USP14: variants seen among roughly 807,000 people sequenced by gnomAD.
The protein encoded by USP14 is ubiquitin specific peptidase 14.
USP14 carries 38 observed loss-of-function variants against 76.5 expected under a neutral mutation model. That is an observed-to-expected ratio of 0.50 (90% CI 0.38 to 0.65). The LOEUF is 0.65. USP14 is among the 30% of genes least tolerant of loss of function. The pLI is 0.00. For synonymous variants in USP14, 192 were observed against 191.7 expected (o/e 1.00, Z -0.01); for missense variants, 467 against 586.5 (o/e 0.80, Z 2.10).
intron 3 of USP14, among the ~76,000 whole-genome samples, chr18:171,874 A>C (rs1293231865): frequency 6.6e-6 from 1 of 152,210 alleles, no homozygotes; most frequent in African/African-American, 2.4e-5. Flanking sequence ...TCTAACCCTC[A>C]TGGATGACTT....
intron 14 of USP14, 155 bp from the exon 15 acceptor site, chr18:210,231 A>C: frequency 2.9e-6 from 2 of 691,684 alleles, no homozygotes; most frequent in Non-Finnish European, 4.8e-6. Flanking sequence ...TTAAAACATC[A>C]ATCATGAAGC....
At chr18:190,621 A>G (rs968191086) in intron 5 of USP14, among the ~76,000 whole-genome samples, 1 of 152,178 alleles carries the variant, frequency 6.6e-6, no homozygotes, top group Non-Finnish European at 1.5e-5. Flanking sequence ...GATCTGATGT[A>G]TGATTGAATA....
chr18:193,374 CT>C lies in USP14; in HGVS notation c.463+477del, dbSNP rs572458649. Reference sequence around the variant, plus strand: ...TTTGGACATTTTAATACTGTTAAATCTTTGGGTTAGGTCAATAGGGTTTTAC... The same window carrying C: ...TTTGGACATTTTAATACTGTTAAATCTTGGGTTAGGTCAATAGGGTTTTAC... On this transcript the variant is annotated intron_variant, in intron 6 of 15. Transcript: ENST00000261601. Among the ~76,000 whole-genome samples, 60 of 152,104 alleles carry C rather than the reference CT, an allele frequency of 3.9e-4. 1 individual carries two copies. In the South Asian group the frequency reaches 9.4e-3, roughly 24 times the overall value.
chr18:199,263 C>T lies in USP14; in HGVS notation c.823C>T (p.Leu275Phe). 6.2e-7 allele frequency: 1 copy of T among 1,613,854 alleles called. No homozygotes were observed. Among genetic ancestry groups the T allele is most frequent in the Non-Finnish European group, 8.5e-7 (1 of 1,179,852 alleles). Residue 275 changes from leucine to phenylalanine, a missense_variant, in exon 10 of 16, where the codon CTT becomes TTT. Transcript: ENST00000261601. ...VTKGKENQLQ[L>F]SCFINQEVKY... ...CAAAGGAAAGGAAAATCAACTTCAG[C>T]TTAGCTGTTTTATCAATCAGGAAGT...
intron 6 of USP14, among the ~76,000 whole-genome samples, chr18:195,330 G>C (rs1035836840): frequency 1.3e-5 from 2 of 151,912 alleles, no homozygotes; most frequent in African/African-American, 4.8e-5. Flanking sequence ...ATTGTGTTCA[G>C]TTTTGTTATT....
At chr18:204,521 TTATAAA>T (rs1218453638) in intron 12 of USP14, 37 bp from the exon 13 acceptor site, 1 of 1,436,072 alleles carries the variant, frequency 7.0e-7, no homozygotes, top group African/African-American at 1.5e-5. Context: ...ATAAATATCT[TTATAAA>T]TGTGTTTACA....
intron 13 of USP14, among the ~76,000 whole-genome samples, chr18:209,317 C>T (rs1437797337): frequency 6.6e-6 from 1 of 152,176 alleles, no homozygotes; most frequent in East Asian, 1.9e-4. Flanking sequence ...GCCATCACAG[C>T]TACCTGTAAG....
At chr18:184,495 T>G (rs552314836) in intron 5 of USP14, among the ~76,000 whole-genome samples, 3 of 152,324 alleles carry the variant, frequency 2.0e-5, no homozygotes. Context: ...GGCTCACGCC[T>G]GTAATCCCAG....
intron 3 of USP14, among the ~76,000 whole-genome samples, chr18:174,700 G>A (rs936507885): frequency 1.1e-4 from 17 of 151,730 alleles, no homozygotes; most frequent in Non-Finnish European, 2.4e-4. Flanking sequence ...GAATTCTGGG[G>A]CTCAAGGGGT....
At chr18:208,676 T>TA (rs1467640966) in intron 13 of USP14, among the ~76,000 whole-genome samples, 1 of 152,198 alleles carries the variant, frequency 6.6e-6, no homozygotes, top group Non-Finnish European at 1.5e-5. Context: ...ATTTTCCTGT[T>TA]ATGTTTCTGT....
In USP14 at chr18:197,906, A is replaced by T. The variant is rs968280578; in HGVS notation, c.676-141A>T. On this transcript the variant is annotated intron_variant, in intron 8 of 15. Coordinates refer to ENST00000261601, the MANE Select transcript of USP14 (RefSeq NM_005151.4). Reference sequence around the variant, plus strand: ...ATTTATTAAACTTAATTCATTGTTGATTTTTGGTAATGTTTTTTGAAGGAT... The same window carrying T: ...ATTTATTAAACTTAATTCATTGTTGTTTTTTGGTAATGTTTTTTGAAGGAT... 4 of 786,454 alleles carry T rather than the reference A, an allele frequency of 5.1e-6. No homozygotes were observed. The African/African-American group carries it at 7.0e-5, about 14-fold the overall frequency. 48.7% of individuals were successfully genotyped at this position (786,454 alleles called of 1,614,324 possible). A position where few individuals can be genotyped will look rare whatever the true frequency, so the allele number is the denominator to read the frequency against.
chr18:165,885 G>A (rs908879887), intron 2 of USP14, among the ~76,000 whole-genome samples: 1 of 152,130 alleles, frequency 6.6e-6, no homozygotes, highest in African/African-American at 2.4e-5. Flanking sequence ...GGGTAGACAA[G>A]CATATTGGGT....
chr18:205,173 G>T (rs1457675687), intron 13 of USP14, among the ~76,000 whole-genome samples: 1 of 152,052 alleles, frequency 6.6e-6, no homozygotes, highest in Non-Finnish European at 1.5e-5. Context: ...CACCACACCT[G>T]GCCTTTAGGT....
At chr18:204,970 G>A (rs537998145) in intron 13 of USP14, among the ~76,000 whole-genome samples, 2 of 151,780 alleles carry the variant, frequency 1.3e-5, no homozygotes, top group East Asian at 3.9e-4. Context: ...AACCTCCCAG[G>A]CGCAAATGAT....
chr18:194,249 C>G (rs1164296892), intron 6 of USP14, among the ~76,000 whole-genome samples: 1 of 152,148 alleles, frequency 6.6e-6, no homozygotes, highest in Admixed American at 6.5e-5. Context: ...AGTAGACTTA[C>G]TTGTTGAAAT....
At chr18:176,695 C>A (rs141359358) in intron 3 of USP14, among the ~76,000 whole-genome samples, 5 of 151,954 alleles carry the variant, frequency 3.3e-5, no homozygotes, top group Non-Finnish European at 7.4e-5. Context: ...ATATTTATGT[C>A]AGTTTTAGAA....
intron 5 of USP14, among the ~76,000 whole-genome samples, chr18:185,686 A>T (rs904383864): frequency 4.0e-5 from 6 of 151,868 alleles, no homozygotes; most frequent in South Asian, 4.1e-4. Flanking sequence ...TTTAAAATTT[A>T]AAAAAATTTT....
chr18:183,556 A>G (rs1909843514), intron 5 of USP14, among the ~76,000 whole-genome samples: 1 of 152,006 alleles, frequency 6.6e-6, no homozygotes, highest in Non-Finnish European at 1.5e-5. Context: ...TTAAATTTTT[A>G]TAATTTTTAT....
At position 212,495 on chromosome 18, in the gene USP14, T is replaced by G. The variant is rs1350742843; in HGVS notation, c.*1211T>G. The stretch of plus-strand genomic sequence containing the variant: ...GGTGCACACCTGTGATCCCAGCTAC[T>G]TGGGAGGCTGAGGTGGGAGAATTGC... On this transcript the variant is annotated 3_prime_UTR_variant, in exon 16 of 16. Coordinates refer to ENST00000261601, the MANE Select transcript of USP14 (RefSeq NM_005151.4). The G allele has an allele frequency of 6.6e-6, 1 of 152,000 alleles. No individual in the cohort carries two copies. Among genetic ancestry groups the G allele is most frequent in the East Asian group, 1.9e-4 (1 of 5,188 alleles). 9.4% of individuals were successfully genotyped at this position (152,000 alleles called of 1,614,324 possible).
Sources: allele counts gnomAD v4.1 joint callset (sites outside exome capture counted in the v4.1 genomes callset), GRCh38; gene constraint gnomAD v4.1.1; transcripts MANE v1.5; gene names NCBI Gene and HGNC (gene_info 2026-07-23, HGNC 2026-07-21).